Variants in NPC1 observed in about 807,000 individuals in gnomAD.
The protein encoded by NPC1 is Niemann-Pick C1 protein.
A neutral mutation model predicts 140.4 loss-of-function variants in NPC1; 85 were observed. The observed-to-expected ratio is 0.61, with a 90% CI of 0.51 to 0.72. The LOEUF is 0.72. Among genes scored for constraint, NPC1 ranks in the 30% least tolerant of loss-of-function variants. The pLI, the probability that NPC1 is intolerant of heterozygous loss-of-function variation, is 0.00. For synonymous variants in NPC1, 656 were observed against 624.8 expected, an observed-to-expected ratio of 1.05 and a Z score of -0.74; for missense variants, 1,504 against 1,623.8, an observed-to-expected ratio of 0.93 and a Z score of 1.27.
At chr18:23,557,910 G>C (rs1166402592) in intron 6 of NPC1, among the ~76,000 whole-genome samples, 1 of 152,210 alleles carries the variant, frequency 6.6e-6, no homozygotes, top group East Asian at 1.9e-4. Context: ...GGAGGTGTAT[G>C]TAAGAACACA....
At chr18:23,575,942 G>A (rs552768973) in intron 1 of NPC1, among the ~76,000 whole-genome samples, 1 of 151,974 alleles carries the variant, frequency 6.6e-6, no homozygotes, top group South Asian at 2.1e-4. Context: ...AACAACAACA[G>A]GCCGGGCACG....
intron 22 of NPC1, 87 bp from the exon 23 acceptor site, chr18:23,534,646 C>G: frequency 9.9e-7 from 1 of 1,010,228 alleles, no homozygotes; most frequent in Non-Finnish European, 1.5e-6. Flanking sequence ...GTGCTAATTA[C>G]CCAGGGCACC....
rs2058506680 is a variant in NPC1 at position 23,531,514 on chromosome 18, A to G, written c.*688T>C. 1 of 1,505,550 alleles carries G rather than the reference A, an allele frequency of 6.6e-7. No homozygotes were observed. Among genetic ancestry groups the G allele is most frequent in the Non-Finnish European group, 8.8e-7 (1 of 1,134,818 alleles). 93.3% of individuals were successfully genotyped at this position (1,505,550 alleles called of 1,614,324 possible). A position where few individuals can be genotyped will look rare whatever the true frequency, so the allele number is the denominator to read the frequency against. On this transcript the variant is annotated 3_prime_UTR_variant, in exon 25 of 25. Coordinates refer to ENST00000269228, the MANE Select transcript of NPC1 (RefSeq NM_000271.5). ...ACCCCAAAACTTAGGAAAACAATGT[A>G]TTTTATTAAAGAAAAATAAGTTAAA...
chr18:23,552,027 T>C lies in NPC1; in HGVS notation c.1554-300A>G, dbSNP rs1408250054. On this transcript the variant is annotated intron_variant, in intron 9 of 24. Transcript: ENST00000269228. ...AATTATAGCCAAGAGGAAGAGACTGTACAGACCCAGAGCTCCGAGGATGAG... is the reference window on the plus strand; with the variant it reads ...AATTATAGCCAAGAGGAAGAGACTGCACAGACCCAGAGCTCCGAGGATGAG... Among the ~76,000 whole-genome samples, 5 of 152,208 alleles carry C rather than the reference T, an allele frequency of 3.3e-5. No individual in the cohort carries two copies. The East Asian group carries it at 5.8e-4, about 18-fold the overall frequency.
chr18:23,540,155 C>T (rs1018720306), intron 17 of NPC1, among the ~76,000 whole-genome samples, 154 bp from the exon 18 acceptor site: 3 of 152,198 alleles, frequency 2.0e-5, no homozygotes, highest in African/African-American at 7.2e-5. Flanking sequence ...GTCTTCCCCC[C>T]AGGGCCCCAG....
intron 4 of NPC1, among the ~76,000 whole-genome samples, chr18:23,566,456 C>T (rs985852409): frequency 2.0e-5 from 3 of 151,986 alleles, no homozygotes; most frequent in African/African-American, 7.2e-5. Context: ...AATAATAATG[C>T]ACTATAGGCC....
intron 3 of NPC1, among the ~76,000 whole-genome samples, chr18:23,514,572 T>A (rs907323723): frequency 9.9e-5 from 15 of 151,252 alleles, no homozygotes; most frequent in African/African-American, 3.6e-4. Context: ...AAAAAAAAAA[T>A]TTGTAATGAC....
chr18:23,512,054 T>TC (rs1194363897), intron 3 of NPC1, among the ~76,000 whole-genome samples: 1 of 136,990 alleles, frequency 7.3e-6, no homozygotes, highest in Non-Finnish European at 1.5e-5. Flanking sequence ...AGAGTCTCAC[T>TC]CCGTCGCCCA....
In NPC1 at chr18:23,532,273, T is replaced by C; in HGVS notation, c.3766A>G (p.Asn1256Asp). Reference sequence around the variant, plus strand: ...TCAGTGGCACAACTTTTGGCTTTATTTACTGATGGCCCTATGAGAGAGAGA... The same window carrying C: ...TCAGTGGCACAACTTTTGGCTTTATCTACTGATGGCCCTATGAGAGAGAGA... ...VLLSYIGPSV[N>D]KAKSCATEER... The change falls in exon 25 of 25, where the codon AAT (asparagine) becomes GAT (aspartate). Residue 1256 changes from asparagine to aspartate, a missense_variant. Coordinates refer to ENST00000269228, the MANE Select transcript of NPC1 (RefSeq NM_000271.5). 2 of 1,614,166 alleles carry C rather than the reference T, an allele frequency of 1.2e-6. No homozygotes were observed. Among genetic ancestry groups the C allele is most frequent in the Non-Finnish European group, 8.5e-7 (1 of 1,180,030 alleles).
chr18:23,576,825 TCG>T (rs2059288517), intron 1 of NPC1: 1 of 169,466 alleles, frequency 5.9e-6, no homozygotes, highest in Non-Finnish European at 1.2e-5. Flanking sequence ...CTGCAGATCT[TCG>T]CGGTGAGTGT....
intron 14 of NPC1, among the ~76,000 whole-genome samples, chr18:23,541,849 CA>C (rs1214433921): frequency 6.6e-6 from 1 of 152,184 alleles, no homozygotes; most frequent in Non-Finnish European, 1.5e-5. Context: ...AGGTAATCTA[CA>C]ATCGAGTGAG....
downstream of NPC1, chr18:23,529,261 T>C: frequency 6.2e-7 from 1 of 1,613,932 alleles, no homozygotes; most frequent in Non-Finnish European, 8.5e-7. Flanking sequence ...CAGTCAGATG[T>C]GTACACCCAT....
Position 23,561,515 on chromosome 18 carries a change from G to T in NPC1, c.476C>A (p.Ala159Asp). The T allele has an allele frequency of 6.2e-7, 1 of 1,614,072 alleles. No individual in the cohort carries two copies. The highest frequency in any genetic ancestry group is 1.7e-5 in the Admixed American group (1 of 60,016). Residue 159 changes from alanine (A) to aspartate (D), a missense_variant, in exon 5 of 25, where the codon GCC becomes GAC. Ala to Asp is a moderately radical substitution (Grantham distance 126, BLOSUM62 -2). Transcript: ENST00000269228. Reference sequence around the variant, plus strand: ...TGAGGGGGCCTCCACATCCCGGCAGGCATTGTACATTGCTAGAAGAGGAAA... The same window carrying T: ...TGAGGGGGCCTCCACATCCCGGCAGTCATTGTACATTGCTAGAAGAGGAAA... Reference protein sequence around the residue: ...GQSFANAMYNACRDVEAPSSN... With the variant: ...GQSFANAMYNDCRDVEAPSSN...
chr18:23,576,199 G>A (rs1444247819), intron 1 of NPC1, among the ~76,000 whole-genome samples: 2 of 152,040 alleles, frequency 1.3e-5, no homozygotes, highest in Non-Finnish European at 2.9e-5. Context: ...ACTCCAGCCT[G>A]GGCAACAAGA....
downstream of NPC1, among the ~76,000 whole-genome samples, chr18:23,521,350 C>A (rs368600716): frequency 1.3e-5 from 2 of 152,188 alleles, no homozygotes; most frequent in African/African-American, 2.4e-5. Flanking sequence ...ACACCCGTAA[C>A]GTTTTCTGTT....
At chr18:23,566,236 AT>A (rs2145509798) in intron 4 of NPC1, among the ~76,000 whole-genome samples, 1 of 152,102 alleles carries the variant, frequency 6.6e-6, no homozygotes, top group African/African-American at 2.4e-5. Context: ...ACAAAAAAAA[AT>A]TTGTTTTTAA....
downstream of NPC1, among the ~76,000 whole-genome samples, chr18:23,527,091 T>C (rs904050570): frequency 3.3e-5 from 5 of 151,854 alleles, no homozygotes; most frequent in African/African-American, 1.2e-4. Context: ...TCTTTAAGAA[T>C]CCCCTACTGA....
chr18:23,534,164 C>T, intron 23 of NPC1: 1 of 548,904 alleles, frequency 1.8e-6, no homozygotes. Flanking sequence ...GGCCCGGGCT[C>T]CCCTGCATTT....
At position 23,548,343 on chromosome 18, in the gene NPC1, T is replaced by C. The variant is rs1266061647; in HGVS notation, c.1655-235A>G. On this transcript the variant is annotated intron_variant, in intron 10 of 24. Transcript: ENST00000269228. ...TATCATTCAGGAAGAGTAACTCTTT[T>C]TTTTTTTTTTTTTAAAGGATACAGT... 4.6e-5 allele frequency among the ~76,000 whole-genome samples: 7 copies of C among 151,686 alleles called. No homozygotes were observed. The East Asian group carries it at 9.7e-4, about 21-fold the overall frequency.
Sources: gnomAD v4.1 joint callset for allele counts (sites outside exome capture counted in the v4.1 genomes callset) on GRCh38, gnomAD v4.1.1 for gene constraint, MANE v1.5 for transcripts, NCBI Gene and HGNC (gene_info 2026-07-23, HGNC 2026-07-21) for gene names.